GMDS: variants seen among roughly 807,000 people sequenced by gnomAD.
GMDS encodes GDP-mannose 4,6 dehydratase.
A neutral mutation model predicts 49.9 loss-of-function variants in GMDS; 20 were observed. The ratio of observed to expected loss-of-function variants is 0.40; its 90% CI spans 0.28 to 0.58. The LOEUF is 0.58. Ranked by LOEUF, GMDS falls within the 20% of genes least tolerant of loss-of-function variation. The pLI, the probability that GMDS is intolerant of heterozygous loss-of-function variation, is 0.42. For missense variants in GMDS, 362 were observed against 481.4 expected, an observed-to-expected ratio of 0.75 and a Z score of 2.32; for synonymous variants, 177 against 178.6, an observed-to-expected ratio of 0.99 and a Z score of 0.07.
intron 7 of GMDS, among the ~76,000 whole-genome samples, chr6:1,896,235 G>C (rs1261466587): frequency 6.6e-6 from 1 of 152,136 alleles, no homozygotes; most frequent in African/African-American, 2.4e-5. Context: ...CAACCCATTA[G>C]ATATGTGCAC....
At chr6:2,167,381 T>C (rs1777720589) in intron 1 of GMDS, among the ~76,000 whole-genome samples, 2 of 152,170 alleles carry the variant, frequency 1.3e-5, no homozygotes, top group African/African-American at 4.8e-5. Context: ...TCATCCCTAA[T>C]CTCAACTAGT....
At chr6:1,705,909 A>C (rs1444653314) in intron 9 of GMDS, among the ~76,000 whole-genome samples, 1 of 152,206 alleles carries the variant, frequency 6.6e-6, no homozygotes, top group African/African-American at 2.4e-5. Context: ...AGCAATGAGA[A>C]GGGTGGCGGC....
chr6:1,827,134 G>GATATATAT (rs533019372), intron 7 of GMDS, among the ~76,000 whole-genome samples: 28 of 124,524 alleles, frequency 2.2e-4, no homozygotes, highest in African/African-American at 7.4e-4. Context: ...GTGTATCCAG[G>GATATATAT]ATATATATAT....
chr6:1,925,178 T>A (rs900966141), intron 7 of GMDS, among the ~76,000 whole-genome samples: 2 of 152,242 alleles, frequency 1.3e-5, no homozygotes, highest in African/African-American at 4.8e-5. Context: ...TTATTCTGTA[T>A]GTTTAAAAAG....
At chr6:1,967,631 G>A (rs997911647) in intron 4 of GMDS, among the ~76,000 whole-genome samples, 1 of 152,156 alleles carries the variant, frequency 6.6e-6, no homozygotes, top group Non-Finnish European at 1.5e-5. Context: ...AGACATACTC[G>A]AAGTGCAGGC....
At chr6:2,227,481 A>T (rs1231254133) in intron 1 of GMDS, among the ~76,000 whole-genome samples, 4 of 152,220 alleles carry the variant, frequency 2.6e-5, no homozygotes, top group Non-Finnish European at 5.9e-5. Flanking sequence ...CTGAAATCAA[A>T]GGTCAGAACA....
chr6:1,654,046 C>A (rs1194095391), intron 9 of GMDS, among the ~76,000 whole-genome samples: 3 of 152,064 alleles, frequency 2.0e-5, no homozygotes, highest in Admixed American at 2.0e-4. Flanking sequence ...AAGTCAAAAC[C>A]ACCATGAGAT....
intron 1 of GMDS, among the ~76,000 whole-genome samples, chr6:2,244,104 G>A (rs142798923): frequency 1.3e-5 from 2 of 151,744 alleles, no homozygotes; most frequent in African/African-American, 2.4e-5. Flanking sequence ...GCCTCACCTC[G>A]AGCAATCCTT....
intron 4 of GMDS, among the ~76,000 whole-genome samples, chr6:2,028,221 A>G (rs1768723993): frequency 6.6e-6 from 1 of 152,228 alleles, no homozygotes. Flanking sequence ...AAGACTGCTT[A>G]GCATATGACA....
chr6:1,748,828 C>T (rs1343374572), intron 7 of GMDS, among the ~76,000 whole-genome samples: 1 of 152,248 alleles, frequency 6.6e-6, no homozygotes, highest in Non-Finnish European at 1.5e-5. Context: ...CTACAGAGAA[C>T]AATTACCCAA....
chr6:1,782,101 G>A (rs1027307368), intron 7 of GMDS, among the ~76,000 whole-genome samples: 1 of 152,156 alleles, frequency 6.6e-6, no homozygotes, highest in Non-Finnish European at 1.5e-5. Flanking sequence ...GAATTCTATT[G>A]AAACTGCATG....
intron 2 of GMDS, among the ~76,000 whole-genome samples, chr6:2,120,327 T>A (rs1055151188): frequency 2.6e-4 from 40 of 152,156 alleles, no homozygotes; most frequent in African/African-American, 9.6e-4. Flanking sequence ...CAACATGAAA[T>A]CCATAAAAGC....
intron 9 of GMDS, among the ~76,000 whole-genome samples, chr6:1,695,241 C>T (rs1765299333): frequency 6.6e-6 from 1 of 152,152 alleles, no homozygotes; most frequent in Non-Finnish European, 1.5e-5. Context: ...GTTTAAGATC[C>T]TCATTTCTGA....
intron 4 of GMDS, among the ~76,000 whole-genome samples, chr6:2,035,566 TAAATA>T (rs1490800122): frequency 6.6e-6 from 1 of 152,186 alleles, no homozygotes; most frequent in African/African-American, 2.4e-5. Context: ...ACTTCTCTCC[TAAATA>T]AAAGCTCAAA....
chr6:1,949,781 T>C (rs779423951), intron 6 of GMDS, among the ~76,000 whole-genome samples: 2 of 152,132 alleles, frequency 1.3e-5, no homozygotes, highest in Non-Finnish European at 2.9e-5. Flanking sequence ...CGGCCAACAA[T>C]CTAACCATTT....
intron 7 of GMDS, among the ~76,000 whole-genome samples, chr6:1,851,421 A>G (rs1757662700): frequency 6.6e-6 from 1 of 152,182 alleles, no homozygotes; most frequent in African/African-American, 2.4e-5. Context: ...CATTTGGCAA[A>G]CAATATAATA....
In GMDS at chr6:1,973,884, G is replaced by A. The variant is rs190382646; in HGVS notation, c.346-12918C>T. Reference sequence around the variant, plus strand: ...ATGGCCTGTGGTTACAACAATGTAAGTCTCAACTATCCATATGGGAGAGTT... The same window carrying A: ...ATGGCCTGTGGTTACAACAATGTAAATCTCAACTATCCATATGGGAGAGTT... On this transcript the variant is annotated intron_variant, in intron 4 of 10. Transcript: ENST00000380815. Among the ~76,000 whole-genome samples the A allele has an allele frequency of 4.6e-5, 7 of 152,246 alleles. No individual in the cohort carries two copies. The East Asian group carries it at 1.4e-3, about 29-fold the overall frequency.
rs7775666 is a variant in GMDS at position 2,182,187 on chromosome 6, A to G, written c.103-57456T>C. ...CAGAGCAAGGCTCTAACTCTCTTCA[A>G]TTCTATTATATGATGGTTGAGAGAG... On this transcript the variant is annotated intron_variant, in intron 1 of 10. Transcript: ENST00000380815. Among the ~76,000 whole-genome samples, 372 of 152,374 alleles carry G rather than the reference A, an allele frequency of 2.4e-3. 2 individuals are homozygous for G. Among genetic ancestry groups the G allele is most frequent in the African/African-American group, 8.6e-3 (356 of 41,584 alleles).
At chr6:1,769,690 T>C (rs1045247832) in intron 7 of GMDS, among the ~76,000 whole-genome samples, 1 of 149,524 alleles carries the variant, frequency 6.7e-6, no homozygotes, top group Admixed American at 6.7e-5. Context: ...ACACAGAGTT[T>C]AAATGTTTTT....
Sources: gnomAD v4.1 joint callset for allele counts (sites outside exome capture counted in the v4.1 genomes callset) on GRCh38, gnomAD v4.1.1 for gene constraint, MANE v1.5 for transcripts, NCBI Gene and HGNC (gene_info 2026-07-23, HGNC 2026-07-21) for gene names.